NRG4: variants seen among roughly 807,000 people sequenced by gnomAD.
The protein encoded by NRG4 is pro-neuregulin-4, membrane-bound isoform.
In NRG4, 10 loss-of-function variants were observed where a neutral mutation model predicts 15.0. The ratio of observed to expected loss-of-function variants is 0.67; its 90% confidence interval spans 0.41 to 1.13. NRG4 has a LOEUF of 1.13. Among genes scored for constraint, NRG4 ranks in the 50% most tolerant of loss-of-function variants. The probability of loss-of-function intolerance (pLI) is 0.00; values close to 1 mark genes in which losing one functional copy is unlikely to be tolerated. For missense variants in NRG4, 139 were observed against 140.2 expected (o/e 0.99, Z 0.04); for synonymous variants, 41 against 50.1 (o/e 0.82, Z 0.77).
intron 3 of NRG4, among the ~76,000 whole-genome samples, chr15:75,997,518 C>A (rs780207064): frequency 6.6e-6 from 1 of 151,740 alleles, no homozygotes; most frequent in Non-Finnish European, 1.5e-5. Context: ...GGCTTAGATT[C>A]TATTAGAGAA....
chr15:76,037,078 T>G (rs2035613639), intron 4 of NRG4, among the ~76,000 whole-genome samples: 1 of 152,062 alleles, frequency 6.6e-6, no homozygotes, highest in African/African-American at 2.4e-5. Context: ...TCAATAGTAT[T>G]TCTATACGCC....
chr15:75,989,072 G>A (rs1938520768), intron 3 of NRG4, among the ~76,000 whole-genome samples: 1 of 151,882 alleles, frequency 6.6e-6, no homozygotes, highest in Admixed American at 6.6e-5. Flanking sequence ...TGTCCAGGCT[G>A]GTCTTGAACA....
At chr15:75,997,442 A>T (rs901822372) in intron 3 of NRG4, among the ~76,000 whole-genome samples, 5 of 152,020 alleles carry the variant, frequency 3.3e-5, no homozygotes, top group Admixed American at 2.6e-4. Context: ...TGAGTAGTTT[A>T]TTAAATTCTA....
At chr15:75,971,284 G>A (rs1485209763) in intron 3 of NRG4, 1 of 455,392 alleles carries the variant, frequency 2.2e-6, no homozygotes. Flanking sequence ...TTTACAGTTT[G>A]ACCATCTCAT....
rs562934112 is a variant in NRG4, at chr15:75,952,728, T to C, written c.331+3204A>G. Among the ~76,000 whole-genome samples, 10 of 152,224 alleles carry C rather than the reference T, an allele frequency of 6.6e-5. 1 individual carries two copies. In the South Asian group the frequency reaches 2.1e-3, roughly 32 times the overall value. ...TATGCCACCACACTTGGTTTCATTG[T>C]GGTTTTGATCGTCATTTCCTGATGG... On this transcript the variant is annotated intron_variant, in intron 5 of 5. Transcript: ENST00000394907.
At chr15:75,975,250 A>G (rs1470576499) in intron 3 of NRG4, among the ~76,000 whole-genome samples, 2 of 152,016 alleles carry the variant, frequency 1.3e-5, no homozygotes, top group East Asian at 3.9e-4. Context: ...GTGTCTTTGC[A>G]TGTGAGATGG....
chr15:75,972,086 T>C (rs1446117915), intron 3 of NRG4, among the ~76,000 whole-genome samples: 4 of 152,250 alleles, frequency 2.6e-5, no homozygotes, highest in African/African-American at 7.2e-5. Flanking sequence ...TGGTATCTCA[T>C]TGTGGTTTTG....
chr15:76,004,988 A>C (rs540226425), intron 3 of NRG4, among the ~76,000 whole-genome samples: 22 of 152,196 alleles, frequency 1.4e-4, no homozygotes, highest in Non-Finnish European at 3.1e-4. Flanking sequence ...TACTAATAAC[A>C]TAAACAGTCA....
At chr15:76,042,756 C>T (rs577989373) in intron 4 of NRG4, among the ~76,000 whole-genome samples, 2 of 152,194 alleles carry the variant, frequency 1.3e-5, no homozygotes, top group African/African-American at 4.8e-5. Context: ...CAATACTACT[C>T]AAACTATTCT....
intron 5 of NRG4, among the ~76,000 whole-genome samples, chr15:76,035,454 G>A (rs957460471): frequency 2.0e-5 from 3 of 152,098 alleles, no homozygotes; most frequent in Non-Finnish European, 2.9e-5. Flanking sequence ...CAAAATTAAG[G>A]TGAGCAATAG....
chr15:76,057,188 C>G (rs1404179088), intron 1 of NRG4: 1 of 150,592 alleles, frequency 6.6e-6, no homozygotes, highest in African/African-American at 2.4e-5. Context: ...AGGATTCCCC[C>G]ACCCTCTCCT....
intron 3 of NRG4, chr15:76,005,943 G>A (rs891755776): frequency 1.2e-5 from 3 of 244,000 alleles, no homozygotes; most frequent in Non-Finnish European, 2.5e-5. Flanking sequence ...AGGGCCAAAT[G>A]GTAGAAGGCT....
chr15:76,003,032 T>C (rs1351744378), intron 3 of NRG4, among the ~76,000 whole-genome samples: 2 of 152,178 alleles, frequency 1.3e-5, no homozygotes, highest in East Asian at 1.9e-4. Context: ...CAAATGTGCA[T>C]GAAACATCAA....
intron 5 of NRG4, among the ~76,000 whole-genome samples, chr15:75,954,034 G>T (rs2141793141): frequency 6.6e-6 from 1 of 152,084 alleles, no homozygotes; most frequent in Non-Finnish European, 1.5e-5. Context: ...TATTAAATCT[G>T]CAAAAATTTT....
chr15:75,938,230 C>G (rs1420953808), downstream of NRG4: 1 of 152,108 alleles, frequency 6.6e-6, no homozygotes, highest in Non-Finnish European at 1.5e-5. Context: ...AAGGAATAGT[C>G]TTTTATAAAA....
intron 3 of NRG4, among the ~76,000 whole-genome samples, chr15:75,980,760 C>T (rs1375995868): frequency 3.3e-5 from 5 of 152,010 alleles, no homozygotes; most frequent in African/African-American, 1.2e-4. Context: ...TCCTACATCC[C>T]TCAGAGACTT....
chr15:75,974,995 G>C (rs1490770003), intron 3 of NRG4, among the ~76,000 whole-genome samples: 1 of 152,098 alleles, frequency 6.6e-6, no homozygotes, highest in Non-Finnish European at 1.5e-5. Flanking sequence ...AAGTCTTTTT[G>C]TATGTCTCTA....
In NRG4 at chr15:75,990,094, C is replaced by T. The variant is rs552341804; in HGVS notation, c.104+19106G>A. Among the ~76,000 whole-genome samples the T allele has an allele frequency of 5.9e-5, 9 of 152,300 alleles. No homozygotes were observed. In the East Asian group the frequency reaches 1.5e-3, roughly 26 times the overall value. On this transcript the variant is annotated intron_variant, in intron 3 of 5. Coordinates refer to ENST00000394907, the MANE Select transcript of NRG4 (RefSeq NM_138573.4). Reference sequence around the variant, plus strand: ...TAGTCAGAATGTAAACACATCGCAGCCCTGCCTGAGCTCTGGGGTTGTTCA... The same window carrying T: ...TAGTCAGAATGTAAACACATCGCAGTCCTGCCTGAGCTCTGGGGTTGTTCA...
At chr15:75,972,000 T>A (rs2033118950) in intron 3 of NRG4, among the ~76,000 whole-genome samples, 1 of 152,184 alleles carries the variant, frequency 6.6e-6, no homozygotes, top group Non-Finnish European at 1.5e-5. Flanking sequence ...GTAAAAGCAT[T>A]CCTATTTCTC....
Sources: gnomAD v4.1 joint callset for allele counts (sites outside exome capture counted in the v4.1 genomes callset) on GRCh38, gnomAD v4.1.1 for gene constraint, MANE v1.5 for transcripts, NCBI Gene and HGNC (gene_info 2026-07-23, HGNC 2026-07-21) for gene names.